Variants in SOX5 observed in about 807,000 individuals in gnomAD.
SOX5 encodes the protein transcription factor SOX-5.
Under a neutral mutation model 92.0 loss-of-function variants are expected in SOX5, and 9 were observed. The observed-to-expected ratio is 0.10, with a 90% CI of 0.06 to 0.17. The LOEUF (loss-of-function observed/expected upper bound fraction) is 0.17. SOX5 is among the 10% of genes least tolerant of loss of function. SOX5 has a pLI of 1.00. For synonymous variants in SOX5, 344 were observed against 336.3 expected (o/e 1.02, Z -0.25); for missense variants, 642 against 944.5 (o/e 0.68, Z 4.20).
rs145831795 is a variant in SOX5 at position 24,349,189 on chromosome 12, A to G, written c.-174+19374T>C. Among the ~76,000 whole-genome samples, 54 of 152,306 alleles carry G rather than the reference A, an allele frequency of 3.5e-4. 1 individual carries two copies. The East Asian group carries it at 8.5e-3, about 24-fold the overall frequency. On this transcript the variant is annotated intron_variant, in intron 2 of 4. Coordinates refer to the SOX5 transcript ENST00000446891. ...CTTCTCAGCATGGTTCATGTCTCAGAGACGTCTTTGCTAAACAATTCATCT... is the reference window on the plus strand; with the variant it reads ...CTTCTCAGCATGGTTCATGTCTCAGGGACGTCTTTGCTAAACAATTCATCT...
At chr12:24,332,390 G>T (rs1268191082) in intron 2 of SOX5, among the ~76,000 whole-genome samples, 2 of 152,068 alleles carry the variant, frequency 1.3e-5, no homozygotes, top group African/African-American at 2.4e-5. Context: ...TGAGGGAAAA[G>T]AACAATACTT....
Position 23,658,655 on chromosome 12 carries a change from G to A in SOX5, c.931+6789C>T, listed in dbSNP as rs140434183. Among the ~76,000 whole-genome samples the A allele has an allele frequency of 2.0e-5, 3 of 152,294 alleles. No homozygotes were observed. In the East Asian group the frequency reaches 5.8e-4, roughly 29 times the overall value. ...TGCCTTAATCCTAACACTTTGGGAG[G>A]CCAAGATGGGTGGATCACTTGAGGT... On this transcript the variant is annotated intron_variant, in intron 7 of 14. Coordinates refer to ENST00000451604, the MANE Select transcript of SOX5 (RefSeq NM_006940.6).
chr12:23,780,129 T>C (rs183122138), intron 3 of SOX5, among the ~76,000 whole-genome samples: 1 of 152,036 alleles, frequency 6.6e-6, no homozygotes, highest in East Asian at 1.9e-4. Flanking sequence ...TAGGATTATC[T>C]GTGCAATCTG....
intron 13 of SOX5, among the ~76,000 whole-genome samples, chr12:23,541,027 T>G (rs1036927268): frequency 1.3e-5 from 2 of 152,192 alleles, no homozygotes; most frequent in African/African-American, 4.8e-5. Flanking sequence ...TTTTATTTGT[T>G]CCTAAATATA....
At chr12:23,884,146 T>G (rs1183119594) in intron 2 of SOX5, among the ~76,000 whole-genome samples, 15 of 152,240 alleles carry the variant, frequency 9.9e-5, no homozygotes, top group Non-Finnish European at 2.2e-4. Context: ...CAGAAAGTTT[T>G]ACGTGTCTTG....
intron 1 of SOX5, among the ~76,000 whole-genome samples, chr12:24,456,969 A>G (rs1216947860): frequency 6.6e-6 from 1 of 152,234 alleles, no homozygotes; most frequent in Non-Finnish European, 1.5e-5. Context: ...TAAAAAATTT[A>G]CAATGTCATC....
At chr12:23,805,973 G>A (rs1038070622) in intron 3 of SOX5, among the ~76,000 whole-genome samples, 1 of 152,082 alleles carries the variant, frequency 6.6e-6, no homozygotes, top group Non-Finnish European at 1.5e-5. Flanking sequence ...TACATACTTA[G>A]GTTATATCAA....
intron 9 of SOX5, among the ~76,000 whole-genome samples, chr12:23,592,941 TG>T (rs1408863006): frequency 2.5e-4 from 38 of 152,088 alleles, no homozygotes; most frequent in African/African-American, 5.3e-4. Flanking sequence ...TAGCTGGGTG[TG>T]GCAGCAGGCA....
chr12:24,388,444 A>G (rs1958646776), intron 1 of SOX5, among the ~76,000 whole-genome samples: 1 of 152,050 alleles, frequency 6.6e-6, no homozygotes, highest in South Asian at 2.1e-4. Flanking sequence ...CTTGAAGGTG[A>G]CTGTCAGAGC....
chr12:24,364,345 T>C (rs1025018734), intron 2 of SOX5, among the ~76,000 whole-genome samples: 2 of 151,860 alleles, frequency 1.3e-5, no homozygotes, highest in Non-Finnish European at 2.9e-5. Context: ...AAATTGGACA[T>C]CACATAAGAA....
intron 4 of SOX5, among the ~76,000 whole-genome samples, chr12:24,160,670 T>C (rs1270819803): frequency 6.6e-6 from 1 of 152,070 alleles, no homozygotes; most frequent in Non-Finnish European, 1.5e-5. Flanking sequence ...TGGATATAAG[T>C]GACACTTGAG....
intron 3 of SOX5, among the ~76,000 whole-genome samples, chr12:23,782,383 A>C (rs1047357874): frequency 6.6e-5 from 10 of 152,166 alleles, no homozygotes; most frequent in South Asian, 2.1e-4. Context: ...CATAATAGAC[A>C]AATCAGAGAT....
chr12:24,529,197 C>T (rs1950961767), intron 1 of SOX5, among the ~76,000 whole-genome samples: 1 of 152,122 alleles, frequency 6.6e-6, no homozygotes, highest in Admixed American at 6.5e-5. Flanking sequence ...AAAATAGAAA[C>T]AAACAATGAA....
At chr12:23,681,451 G>A (rs923299060) in intron 6 of SOX5, among the ~76,000 whole-genome samples, 28 of 151,694 alleles carry the variant, frequency 1.8e-4, no homozygotes, top group African/African-American at 6.8e-4. Context: ...TTAAAAAACA[G>A]AGACCAAGAG....
At chr12:23,759,272 C>G (rs963575123) in intron 3 of SOX5, among the ~76,000 whole-genome samples, 1 of 151,846 alleles carries the variant, frequency 6.6e-6, no homozygotes, top group Non-Finnish European at 1.5e-5. Context: ...CTCTAGGATT[C>G]TGGATAATTT....
At chr12:23,626,409 T>C (rs1186938318) in intron 8 of SOX5, among the ~76,000 whole-genome samples, 1 of 152,202 alleles carries the variant, frequency 6.6e-6, no homozygotes, top group Non-Finnish European at 1.5e-5. Context: ...GACCTGCTCA[T>C]CTTCCTTCTT....
At chr12:24,386,248 A>G (rs935763477) in intron 1 of SOX5, among the ~76,000 whole-genome samples, 9 of 152,130 alleles carry the variant, frequency 5.9e-5, no homozygotes, top group African/African-American at 2.2e-4. Context: ...CAAAATTACT[A>G]TAGTAAATTA....
intron 1 of SOX5, among the ~76,000 whole-genome samples, chr12:24,521,169 C>T (rs1371723382): frequency 3.3e-5 from 5 of 152,180 alleles, no homozygotes. Flanking sequence ...ATTCTCTTGC[C>T]TCAGCCTCCC....
At chr12:23,570,901 A>C (rs1948073247) in intron 10 of SOX5, among the ~76,000 whole-genome samples, 1 of 95,368 alleles carries the variant, frequency 1.0e-5, no homozygotes, top group Non-Finnish European at 2.0e-5. Flanking sequence ...ACAGAGCAAG[A>C]CTCCAACTCA....
Sources: allele counts gnomAD v4.1 joint callset (sites outside exome capture counted in the v4.1 genomes callset), GRCh38; gene constraint gnomAD v4.1.1; transcripts MANE v1.5; gene names NCBI Gene and HGNC (gene_info 2026-07-23, HGNC 2026-07-21).